The following SLC36A2 variants were observed in gnomAD, a reference collection of about 807,000 sequenced individuals.
SLC36A2 encodes solute carrier family 36 member 2, also known as proton-coupled amino acid transporter 2.
In SLC36A2, 39 loss-of-function variants were observed where a neutral mutation model predicts 42.7. That is an observed-to-expected ratio of 0.91 (90% CI 0.71 to 1.19). The LOEUF (loss-of-function observed/expected upper bound fraction) is 1.19, where lower values mean the gene tolerates loss of function less well. SLC36A2 is among the 50% of genes most tolerant of loss of function. The pLI is 0.00. For missense variants in SLC36A2, 590 were observed against 613.7 expected, an observed-to-expected ratio of 0.96 and a Z score of 0.41; for synonymous variants, 237 against 240.8, an observed-to-expected ratio of 0.98 and a Z score of 0.15.
intron 7 of SLC36A2, among the ~76,000 whole-genome samples, chr5:151,330,296 A>G (rs1755962722): frequency 1.3e-5 from 2 of 152,252 alleles, no homozygotes; most frequent in Admixed American, 6.5e-5. Flanking sequence ...GATTTTAAAA[A>G]GTTATGAAAG....
intron 4 of SLC36A2, among the ~76,000 whole-genome samples, chr5:151,341,262 C>T (rs1002959639): frequency 6.6e-6 from 1 of 152,184 alleles, no homozygotes; most frequent in African/African-American, 2.4e-5. Context: ...AGGCAAGTCT[C>T]CTCCTGGGTC....
Position 151,318,395 on chromosome 5 carries a change from G to A in SLC36A2, c.1181-1307C>T, listed in dbSNP as rs142971684. Among the ~76,000 whole-genome samples the A allele has an allele frequency of 1.2e-3, 180 of 146,180 alleles. 3 individuals are homozygous for A. Among genetic ancestry groups the A allele is most frequent in the Non-Finnish European group, 2.2e-3 (144 of 66,952 alleles). ...TTTTAGAAGTCTTCTAAAATGCCTA[G>A]CATTTTAATAAATAAAAAATAATAT... On this transcript the variant is annotated intron_variant, in intron 9 of 9. Transcript: ENST00000335244.
chr5:151,340,610 G>C (rs1756316432), intron 4 of SLC36A2, among the ~76,000 whole-genome samples: 1 of 152,216 alleles, frequency 6.6e-6, no homozygotes, highest in Non-Finnish European at 1.5e-5. Context: ...AAACTAGGGG[G>C]AAAGAGGTTT....
intron 9 of SLC36A2, among the ~76,000 whole-genome samples, chr5:151,320,094 TA>T (rs763029668): frequency 2.0e-5 from 3 of 150,746 alleles, no homozygotes; most frequent in Non-Finnish European, 4.4e-5. Context: ...TTTTTTCTAG[TA>T]AAAAAAAGTT....
chr5:151,317,216 C>T (rs927786096), intron 9 of SLC36A2, 128 bp from the exon 10 acceptor site: 4 of 1,212,352 alleles, frequency 3.3e-6, no homozygotes, highest in Non-Finnish European at 3.5e-6. Context: ...CTTTGGGAGG[C>T]CTAGATGGGT....
At chr5:151,321,926 C>T in intron 9 of SLC36A2, 120 bp downstream of exon 9, 1 of 1,310,778 alleles carries the variant, frequency 7.6e-7, no homozygotes, top group East Asian at 2.4e-5. Flanking sequence ...GATCCACCCG[C>T]CTCGGCCTCC....
intron 1 of SLC36A2, 103 bp downstream of exon 1, chr5:151,347,194 C>T (rs1209179956): frequency 1.4e-6 from 2 of 1,430,928 alleles, no homozygotes. Flanking sequence ...GGTTTCTCAT[C>T]TGCACAGTGG....
intron 5 of SLC36A2, among the ~76,000 whole-genome samples, chr5:151,336,423 T>C (rs1360249891): frequency 6.6e-6 from 1 of 151,548 alleles, no homozygotes; most frequent in African/African-American, 2.4e-5. Context: ...GTAATATCCT[T>C]CCATGGAACT....
chr5:151,342,472 G>T (rs73281853), intron 4 of SLC36A2, among the ~76,000 whole-genome samples: 6 of 152,136 alleles, frequency 3.9e-5, no homozygotes, highest in Non-Finnish European at 7.3e-5. Flanking sequence ...TAACCTGCCT[G>T]GTGGCAACCA....
intron 7 of SLC36A2, among the ~76,000 whole-genome samples, chr5:151,328,664 T>C (rs1023124073): frequency 2.0e-5 from 3 of 152,192 alleles, no homozygotes; most frequent in African/African-American, 7.2e-5. Flanking sequence ...TCCTTATCTC[T>C]ACACAGAAGT....
At chr5:151,318,482 T>A (rs1225403042) in intron 9 of SLC36A2, among the ~76,000 whole-genome samples, 7 of 142,184 alleles carry the variant, frequency 4.9e-5, no homozygotes, top group East Asian at 2.0e-4. Flanking sequence ...AAATATATTT[T>A]ATATATTTTA....
intron 4 of SLC36A2, among the ~76,000 whole-genome samples, chr5:151,342,442 C>T (rs78741115): frequency 0.06 from 9,111 of 152,228 alleles, 899 homozygotes; most frequent in African/African-American, 0.21. Flanking sequence ...CTCCTCTCCC[C>T]CAAGCCAACA....
At chr5:151,339,699 C>T (rs976972036) in intron 4 of SLC36A2, among the ~76,000 whole-genome samples, 4 of 152,224 alleles carry the variant, frequency 2.6e-5, no homozygotes, top group African/African-American at 9.6e-5. Flanking sequence ...ATGAGCCTCT[C>T]CCGATACCGG....
At chr5:151,340,566 C>T (rs1043561155) in intron 4 of SLC36A2, among the ~76,000 whole-genome samples, 1 of 151,994 alleles carries the variant, frequency 6.6e-6, no homozygotes, top group East Asian at 1.9e-4. Context: ...AAGCTTACAA[C>T]AAATGCAAAG....
At chr5:151,342,275 A>G (rs900567279) in intron 4 of SLC36A2, among the ~76,000 whole-genome samples, 4 of 152,052 alleles carry the variant, frequency 2.6e-5, no homozygotes, top group Non-Finnish European at 2.9e-5. Context: ...TGTACCTTGA[A>G]TCTGTCACCT....
chr5:151,345,050 A>G (rs1458227269), intron 1 of SLC36A2, among the ~76,000 whole-genome samples: 1 of 152,154 alleles, frequency 6.6e-6, no homozygotes, highest in Non-Finnish European at 1.5e-5. Flanking sequence ...CCCTTCCTTT[A>G]AGACAAATGC....
chr5:151,323,161 G>GGAGGTA (rs1755745089), intron 8 of SLC36A2, among the ~76,000 whole-genome samples: 2 of 152,104 alleles, frequency 1.3e-5, no homozygotes, highest in Non-Finnish European at 2.9e-5. Context: ...CTTGAACCCG[G>GGAGGTA]GAGGTAGAGG....
intron 7 of SLC36A2, among the ~76,000 whole-genome samples, chr5:151,328,504 G>C (rs2127290773): frequency 6.6e-6 from 1 of 152,328 alleles, no homozygotes; most frequent in African/African-American, 2.4e-5. Context: ...TCCCCTGTGG[G>C]ATGAAGAGCG....
intron 7 of SLC36A2, among the ~76,000 whole-genome samples, chr5:151,328,750 C>A (rs1477515778): frequency 3.3e-5 from 5 of 152,108 alleles, no homozygotes; most frequent in Admixed American, 3.3e-4. Context: ...GGCCCCAGTA[C>A]AAAATGAAAA....
Sources: allele counts gnomAD v4.1 joint callset (sites outside exome capture counted in the v4.1 genomes callset), GRCh38; gene constraint gnomAD v4.1.1; transcripts MANE v1.5; gene names NCBI Gene and HGNC (gene_info 2026-07-23, HGNC 2026-07-21).